Variants in TTYH3 observed in about 807,000 individuals in gnomAD.
TTYH3 encodes the protein tweety family member 3.
In TTYH3, 23 loss-of-function variants were observed where a neutral mutation model predicts 68.2. That is an observed-to-expected ratio of 0.34 (90% confidence interval 0.24 to 0.48). The LOEUF (loss-of-function observed/expected upper bound fraction) is 0.48, where lower values mean the gene tolerates loss of function less well. TTYH3 is among the 20% of genes least tolerant of loss of function. The pLI is 0.99. For missense variants in TTYH3, 768 were observed against 727.7 expected, an observed-to-expected ratio of 1.06 and a Z score of -0.64; for synonymous variants, 360 against 332.8, an observed-to-expected ratio of 1.08 and a Z score of -0.89.
chr7:2,634,378 T>C (rs975171268), intron 1 of TTYH3, among the ~76,000 whole-genome samples: 1 of 152,112 alleles, frequency 6.6e-6, no homozygotes, highest in African/African-American at 2.4e-5. Context: ...GAATGGGCAG[T>C]GGGTGGGCCT....
chr7:2,660,641 C>T (rs1786470994), intron 13 of TTYH3: 2 of 847,958 alleles, frequency 2.4e-6, no homozygotes, highest in South Asian at 1.1e-4. Flanking sequence ...CCTCCCCCCA[C>T]CCCCTCCGTG....
At chr7:2,636,190 A>G (rs1785652165) in intron 1 of TTYH3, among the ~76,000 whole-genome samples, 1 of 152,234 alleles carries the variant, frequency 6.6e-6, no homozygotes, top group Admixed American at 6.5e-5. Context: ...GCCCAGTTGC[A>G]GCCTGGGGGG....
chr7:2,649,744 G>A (rs1786109771), intron 6 of TTYH3, 105 bp downstream of exon 6: 2 of 1,486,288 alleles, frequency 1.3e-6, no homozygotes, highest in East Asian at 2.4e-5. Context: ...CGGGCACTGG[G>A]TCCCGAGAGC....
intron 1 of TTYH3, among the ~76,000 whole-genome samples, chr7:2,640,704 G>A (rs1337893821): frequency 6.6e-6 from 1 of 152,260 alleles, no homozygotes. Context: ...ACAGGGCCTG[G>A]AGGCAGAGTG....
chr7:2,661,924 G>C lies in TTYH3; in HGVS notation c.*185G>C, dbSNP rs1786509450. 1 of 665,104 alleles carries C rather than the reference G, an allele frequency of 1.5e-6. No individual in the cohort carries two copies. The highest frequency in any genetic ancestry group is 1.8e-5 in the South Asian group (1 of 54,602). 41.2% of individuals were successfully genotyped at this position (665,104 alleles called of 1,614,324 possible). ...GCACAGTGGAGACGCAGGGGCTCTG[G>C]GCCCGTACCGCCAACTCGGGTCACA... On this transcript the variant is annotated 3_prime_UTR_variant, in exon 14 of 14. Coordinates refer to ENST00000258796, the MANE Select transcript of TTYH3 (RefSeq NM_025250.3).
At chr7:2,649,744 G>GT in intron 6 of TTYH3, 105 bp downstream of exon 6, 1 of 1,486,290 alleles carries the variant, frequency 6.7e-7, no homozygotes. Flanking sequence ...CGGGCACTGG[G>GT]TCCCGAGAGC....
chr7:2,657,347 ATGGTGGTGATGATGGTGATGG>A (rs1391794264), intron 11 of TTYH3, among the ~76,000 whole-genome samples: 3 of 149,596 alleles, frequency 2.0e-5, no homozygotes, highest in Admixed American at 6.6e-5. Context: ...GGTGATGGTG[ATGGTGGTGATGATGGTGATGG>A]TGGTGGTGAT....
chr7:2,648,083 G>A (rs373350506), intron 5 of TTYH3, 29 bp downstream of exon 5: 34 of 1,593,564 alleles, frequency 2.1e-5, no homozygotes, highest in Non-Finnish European at 1.7e-6. Flanking sequence ...GCCCCCCGTG[G>A]GCCCAAAGCG....
rs1160714485 is a variant in TTYH3, at chr7:2,644,778, C to T, written c.124-2075C>T. The stretch of plus-strand genomic sequence containing the variant: ...TTTCTGGGTGTGCCGGGCTGGTCAG[C>T]ACCTCCCTGGCTGGGTGGAGGTGGA... On this transcript the variant is annotated intron_variant, in intron 1 of 13. Transcript: ENST00000258796. Among the ~76,000 whole-genome samples the T allele has an allele frequency of 3.3e-5, 5 of 152,196 alleles. 1 individual carries two copies. In the East Asian group the frequency reaches 9.6e-4, roughly 29 times the overall value.
intron 1 of TTYH3, among the ~76,000 whole-genome samples, chr7:2,634,060 T>C (rs1415863025): frequency 6.6e-6 from 1 of 152,144 alleles, no homozygotes; most frequent in African/African-American, 2.4e-5. Context: ...TGCTCTGCTG[T>C]GGGAGGGCTC....
At chr7:2,656,998 C>G (rs895685424) in intron 11 of TTYH3, among the ~76,000 whole-genome samples, 4 of 152,238 alleles carry the variant, frequency 2.6e-5, no homozygotes, top group African/African-American at 7.2e-5. Context: ...TGGCCTCCAG[C>G]TAAGTGACCA....
At chr7:2,660,349 C>G in intron 13 of TTYH3, 1 of 985,426 alleles carries the variant, frequency 1.0e-6, no homozygotes, top group Non-Finnish European at 1.2e-6. Context: ...AGTGAGGAAT[C>G]CATGCACCCA....
At chr7:2,646,729 G>T in intron 1 of TTYH3, 124 bp from the exon 2 acceptor site, 1 of 1,095,924 alleles carries the variant, frequency 9.1e-7, no homozygotes, top group Non-Finnish European at 1.3e-6. Context: ...CGGGGATGGG[G>T]CCCACCTCCC....
At chr7:2,653,507 G>T (rs1562717015) in intron 9 of TTYH3, among the ~76,000 whole-genome samples, 1 of 152,166 alleles carries the variant, frequency 6.6e-6, no homozygotes, top group Non-Finnish European at 1.5e-5. Context: ...AATTTGAGAG[G>T]ATTCTTGTTT....
intron 1 of TTYH3, among the ~76,000 whole-genome samples, chr7:2,643,375 C>T (rs114741530): frequency 0.011 from 1,548 of 140,584 alleles, 36 homozygotes; most frequent in African/African-American, 0.04. Flanking sequence ...AAAAAAAAAT[C>T]GTAGAGTCCC....
intron 7 of TTYH3, among the ~76,000 whole-genome samples, chr7:2,651,821 A>G (rs1444637322): frequency 6.6e-6 from 1 of 152,226 alleles, no homozygotes; most frequent in East Asian, 1.9e-4. Context: ...GGCAAGGGGC[A>G]GTGTGTGGGG....
chr7:2,655,970 G>T (rs1362867470), intron 9 of TTYH3, 122 bp from the exon 10 acceptor site: 3 of 747,248 alleles, frequency 4.0e-6, no homozygotes, highest in Non-Finnish European at 6.5e-6. Flanking sequence ...CCAGGGTGGG[G>T]GGTATCTCAG....
intron 9 of TTYH3, among the ~76,000 whole-genome samples, chr7:2,653,811 G>A (rs568985848): frequency 3.7e-4 from 56 of 152,206 alleles, no homozygotes; most frequent in South Asian, 6.2e-4. Context: ...TGCGGTGAGC[G>A]GAGATCACGC....
In TTYH3 at chr7:2,663,975, T is replaced by G. The variant is rs547011845; in HGVS notation, c.*2236T>G. 6.6e-5 allele frequency: 10 copies of G among 152,558 alleles called. No homozygotes were observed. The East Asian group carries it at 7.5e-4, about 11-fold the overall frequency. The allele number at this position is 152,558 out of a possible 1,614,324, so 9.5% of individuals were successfully genotyped here. On this transcript the variant is annotated 3_prime_UTR_variant, in exon 14 of 14. Transcript: ENST00000258796. ...TTTTCGGTGCCGTGTTCCTAACTAC[T>G]CCATCCCATGACCTCGCCACACCTA...
Sources: allele counts gnomAD v4.1 joint callset (sites outside exome capture counted in the v4.1 genomes callset), GRCh38; gene constraint gnomAD v4.1.1; transcripts MANE v1.5; gene names NCBI Gene and HGNC (gene_info 2026-07-23, HGNC 2026-07-21).